The following ITGB6 variants were observed in gnomAD, a reference collection of about 807,000 sequenced individuals.
ITGB6 encodes the protein integrin subunit beta 6.
A neutral mutation model predicts 84.5 loss-of-function variants in ITGB6; 80 were observed. The ratio of observed to expected loss-of-function variants is 0.95; its 90% confidence interval spans 0.79 to 1.14. The LOEUF is 1.14. Ranked by LOEUF, ITGB6 falls within the 50% of genes most tolerant of loss-of-function variation. The probability of loss-of-function intolerance (pLI) is 0.00; values close to 1 mark genes in which losing one functional copy is unlikely to be tolerated. For synonymous variants in ITGB6, 383 were observed against 354.9 expected (o/e 1.08, Z -0.89); for missense variants, 1,006 against 968.0 (o/e 1.04, Z -0.52).
chr2:160,179,990 G>C (rs1202986286), intron 4 of ITGB6, among the ~76,000 whole-genome samples: 2 of 149,328 alleles, frequency 1.3e-5, no homozygotes, highest in Admixed American at 6.7e-5. Context: ...GCACACGCCT[G>C]TAATCCCAGC....
intron 12 of ITGB6, among the ~76,000 whole-genome samples, chr2:160,117,506 T>C (rs1254552867): frequency 6.6e-6 from 1 of 152,036 alleles, no homozygotes; most frequent in Non-Finnish European, 1.5e-5. Context: ...CTGGGACACA[T>C]TCAAAGCAGT....
chr2:160,159,995 C>T (rs10197183), intron 7 of ITGB6, among the ~76,000 whole-genome samples: 19,338 of 152,026 alleles, frequency 0.13, 2,388 homozygotes, highest in East Asian at 0.45. Flanking sequence ...CAGTGCTTGA[C>T]ACACGGAAAA....
At chr2:160,173,917 A>G in intron 5 of ITGB6, 57 bp downstream of exon 5, 1 of 1,421,324 alleles carries the variant, frequency 7.0e-7, no homozygotes, top group Non-Finnish European at 9.6e-7. Flanking sequence ...AAGTAGAATT[A>G]TTAATAAGAG....
Position 160,144,959 on chromosome 2 carries a change from A to C in ITGB6, c.1018-2888T>G, listed in dbSNP as rs954748508. Among the ~76,000 whole-genome samples the C allele has an allele frequency of 2.0e-5, 3 of 152,150 alleles. No individual in the cohort carries two copies. The East Asian group carries it at 5.8e-4, about 29-fold the overall frequency. ...TTCTGGATGCTGAGTTCCCCCAAAA[A>C]CATTTCAAATAATTAACTAAAAATA... On this transcript the variant is annotated intron_variant, in intron 7 of 14. Coordinates refer to ENST00000283249, the MANE Select transcript of ITGB6 (RefSeq NM_000888.5).
intron 4 of ITGB6, among the ~76,000 whole-genome samples, chr2:160,186,299 G>A (rs1179796737): frequency 2.0e-5 from 3 of 148,856 alleles, no homozygotes; most frequent in Non-Finnish European, 3.0e-5. Flanking sequence ...TCAAAAAGTC[G>A]GCAAAGGATA....
At chr2:160,114,423 G>A (rs11890990) in intron 12 of ITGB6, among the ~76,000 whole-genome samples, 5,686 of 152,228 alleles carry the variant, frequency 0.037, 300 homozygotes, top group African/African-American at 0.12. Context: ...CAGGCAGTCC[G>A]TGGAACCATA....
At chr2:160,165,915 A>G (rs983502308) in intron 7 of ITGB6, among the ~76,000 whole-genome samples, 13 of 152,206 alleles carry the variant, frequency 8.5e-5, no homozygotes, top group Non-Finnish European at 1.9e-4. Flanking sequence ...GGCTTCCTCA[A>G]TCTTAACAAG....
At chr2:160,105,551 A>G (rs1245146151) in intron 14 of ITGB6, among the ~76,000 whole-genome samples, 1 of 152,190 alleles carries the variant, frequency 6.6e-6, no homozygotes, top group Non-Finnish European at 1.5e-5. Flanking sequence ...TAGAAGAACA[A>G]TGAACAATTA....
At chr2:160,172,482 G>GT in intron 6 of ITGB6, 87 bp downstream of exon 6, 1 of 1,245,416 alleles carries the variant, frequency 8.0e-7, no homozygotes, top group Non-Finnish European at 1.1e-6. Flanking sequence ...TTCACCAAGT[G>GT]TATGTTATTT....
intron 11 of ITGB6, among the ~76,000 whole-genome samples, chr2:160,124,667 A>G (rs1357702080): frequency 1.3e-5 from 2 of 152,216 alleles, no homozygotes; most frequent in Admixed American, 1.3e-4. Flanking sequence ...GTGGACACAC[A>G]TGCTGTCTCT....
rs139038668 is a variant in ITGB6 at position 160,137,438 on chromosome 2, G to C, written c.1656C>G (p.Cys552Trp). The C allele has an allele frequency of 1.2e-6, 2 of 1,606,330 alleles. No individual in the cohort carries two copies. Among genetic ancestry groups the C allele is most frequent in the Middle Eastern group, 1.7e-4 (1 of 6,014 alleles). Residue 552 changes from cysteine to tryptophan, a missense_variant, in exon 10 of 15, where the codon TGC becomes TGG. Transcript: ENST00000283249. ...FSCVRHKGLL[C>W]GGNGDCDCGE... ...ATGGATTTCAACATAGCCTACCTCC[G>C]CAGAGCAGCCCTTTGTGTCTCACGC...
rs1433003218 is a variant in ITGB6, at chr2:160,100,828, CAT to C, written c.*906_*907del. ...ATTTAAAATTTTATTGTGTTTAACA[CAT>C]GTTCCTTTTATATTATTGGATCGCT... is the stretch of plus-strand genomic sequence containing the variant. On this transcript the variant is annotated 3_prime_UTR_variant, in exon 15 of 15. Coordinates refer to ENST00000283249, the MANE Select transcript of ITGB6 (RefSeq NM_000888.5). The C allele has an allele frequency of 6.6e-6, 1 of 152,164 alleles. No homozygotes were observed. The highest frequency in any genetic ancestry group is 1.9e-4 in the East Asian group (1 of 5,206). The allele number at this position is 152,164 out of a possible 1,614,324, so 9.4% of individuals were successfully genotyped here.
At chr2:160,136,241 G>C (rs1227142792) in intron 10 of ITGB6, among the ~76,000 whole-genome samples, 11 of 152,128 alleles carry the variant, frequency 7.2e-5, no homozygotes. Context: ...GTGGACAAAG[G>C]ATATGAACAG....
At chr2:160,112,018 G>T (rs749579696) in intron 13 of ITGB6, 62 bp downstream of exon 13, 67 of 1,538,344 alleles carry the variant, frequency 4.4e-5, no homozygotes, top group Non-Finnish European at 5.8e-5. Context: ...CGATTTTCTG[G>T]TTGCTTTCTC....
At chr2:160,118,939 C>G (rs1017863726) in intron 12 of ITGB6, among the ~76,000 whole-genome samples, 20 of 152,056 alleles carry the variant, frequency 1.3e-4, no homozygotes, top group African/African-American at 4.8e-4. Flanking sequence ...AATAAAATAC[C>G]TAGGAATCCA....
intron 10 of ITGB6, 147 bp downstream of exon 10, chr2:160,137,287 A>G: frequency 3.0e-6 from 2 of 675,698 alleles, no homozygotes; most frequent in Non-Finnish European, 5.0e-6. Flanking sequence ...CTACAAGAGA[A>G]GATTCAGTTA....
chr2:160,106,812 T>G (rs1424547986), intron 14 of ITGB6, among the ~76,000 whole-genome samples: 1 of 152,192 alleles, frequency 6.6e-6, no homozygotes, highest in Non-Finnish European at 1.5e-5. Flanking sequence ...CTATAAAAAT[T>G]GTTAACATCA....
rs1028833306 is a variant in ITGB6 at position 160,174,333 on chromosome 2, G to A, written c.594-194C>T. Among the ~76,000 whole-genome samples, 21 of 152,176 alleles carry A rather than the reference G, an allele frequency of 1.4e-4. 1 individual carries two copies. Among genetic ancestry groups the A allele is most frequent in the Admixed American group, 9.2e-4 (14 of 15,284 alleles). ...AACCCTTTCTATGTTGACCATATTC[G>A]CTGACACTTATTTAGAGCTTATTGT... On this transcript the variant is annotated intron_variant, in intron 4 of 14. Coordinates refer to ENST00000283249, the MANE Select transcript of ITGB6 (RefSeq NM_000888.5).
At chr2:160,172,323 T>C (rs1226946450) in intron 6 of ITGB6, among the ~76,000 whole-genome samples, 2 of 152,100 alleles carry the variant, frequency 1.3e-5, no homozygotes, top group Admixed American at 1.3e-4. Context: ...TTTTGAGAAG[T>C]TGGGGAGGTT....
Sources: allele counts gnomAD v4.1 joint callset (sites outside exome capture counted in the v4.1 genomes callset), GRCh38; gene constraint gnomAD v4.1.1; transcripts MANE v1.5; gene names NCBI Gene and HGNC (gene_info 2026-07-23, HGNC 2026-07-21).